HLF: variants seen among roughly 807,000 people sequenced by gnomAD.
HLF encodes the protein hepatic leukemia factor.
A neutral mutation model predicts 22.6 loss-of-function variants in HLF; 3 were observed. That is an observed-to-expected ratio of 0.13 (90% CI 0.06 to 0.34). The LOEUF (loss-of-function observed/expected upper bound fraction) is 0.34. Ranked by LOEUF, HLF falls within the 10% of genes least tolerant of loss-of-function variation. HLF has a pLI of 1.00. For synonymous variants in HLF, 151 were observed against 151.8 expected (o/e 0.99, Z 0.04); for missense variants, 299 against 389.2 (o/e 0.77, Z 1.95).
chr17:55,269,419 T>A (rs914704044), intron 2 of HLF, among the ~76,000 whole-genome samples: 6 of 152,292 alleles, frequency 3.9e-5, no homozygotes, highest in African/African-American at 1.4e-4. Context: ...ATCTTCAATT[T>A]TTTTGTAGGA....
intron 2 of HLF, among the ~76,000 whole-genome samples, chr17:55,285,457 C>T (rs553470068): frequency 1.1e-4 from 16 of 152,324 alleles, no homozygotes; most frequent in African/African-American, 3.8e-4. Flanking sequence ...TTCTCACTTG[C>T]ATTTGCCAGG....
At chr17:55,290,146 C>G (rs2081047145) in intron 2 of HLF, among the ~76,000 whole-genome samples, 1 of 152,170 alleles carries the variant, frequency 6.6e-6, no homozygotes, top group Admixed American at 6.5e-5. Flanking sequence ...GGCCTTGGTA[C>G]AGCCTCAAGA....
chr17:55,295,361 G>T (rs1384324636), intron 2 of HLF, among the ~76,000 whole-genome samples: 2 of 152,206 alleles, frequency 1.3e-5, no homozygotes, highest in Non-Finnish European at 2.9e-5. Context: ...AAATGATCAG[G>T]TCAGAATGTT....
At chr17:55,292,337 T>C (rs992313812) in intron 2 of HLF, among the ~76,000 whole-genome samples, 1 of 152,142 alleles carries the variant, frequency 6.6e-6, no homozygotes, top group African/African-American at 2.4e-5. Context: ...ACCCCAACCT[T>C]CAGCAAACAC....
chr17:55,268,261 C>T (rs1055409776), intron 2 of HLF, among the ~76,000 whole-genome samples, 175 bp downstream of exon 2: 16 of 152,172 alleles, frequency 1.1e-4, no homozygotes, highest in South Asian at 2.1e-4. Flanking sequence ...GCATCCATAT[C>T]ACTCATCTGG....
intron 2 of HLF, among the ~76,000 whole-genome samples, chr17:55,285,498 G>C (rs913782223): frequency 6.6e-6 from 1 of 152,212 alleles, no homozygotes; most frequent in Non-Finnish European, 1.5e-5. Flanking sequence ...ATACAACACA[G>C]TGTGCCAGCA....
intron 2 of HLF, among the ~76,000 whole-genome samples, chr17:55,310,239 G>A (rs555801329): frequency 6.6e-6 from 1 of 152,184 alleles, no homozygotes; most frequent in African/African-American, 2.4e-5. Context: ...CAAAAAAAAC[G>A]AAAAACAATG....
intron 2 of HLF, among the ~76,000 whole-genome samples, chr17:55,286,365 T>C (rs2081004285): frequency 6.6e-6 from 1 of 151,924 alleles, no homozygotes. Context: ...ATCTCACTTT[T>C]CTCAGGGGCC....
intron 2 of HLF, among the ~76,000 whole-genome samples, chr17:55,282,763 T>C (rs1248918452): frequency 6.6e-6 from 1 of 152,208 alleles, no homozygotes; most frequent in African/African-American, 2.4e-5. Context: ...ATTCACATTT[T>C]GGTGAATGTC....
intron 1 of HLF, chr17:55,266,752 C>G: frequency 1.1e-6 from 1 of 887,512 alleles, no homozygotes; most frequent in African/African-American, 1.8e-5. Context: ...AGATGAAACT[C>G]AGAAGCAAAT....
At position 55,277,621 on chromosome 17, in the gene HLF, G is replaced by A. The variant is rs186609128; in HGVS notation, c.451+9535G>A. 3.9e-3 allele frequency among the ~76,000 whole-genome samples: 541 copies of A among 137,666 alleles called. 4 individuals are homozygous for A. The highest frequency in any genetic ancestry group is 0.014 in the African/African-American group (512 of 36,308). The allele number at this position is 137,666 out of a possible 152,430, so 90.3% of individuals were successfully genotyped here. On this transcript the variant is annotated intron_variant, in intron 2 of 3. Transcript: ENST00000226067. ...GAAAGGGACATTGTGGGAGGGGATC[G>A]GATTGGGGGGGGTTGGACTGCTGAA... is the stretch of plus-strand genomic sequence containing the variant.
At chr17:55,302,971 C>T (rs1904368191) in intron 2 of HLF, among the ~76,000 whole-genome samples, 1 of 152,170 alleles carries the variant, frequency 6.6e-6, no homozygotes, top group South Asian at 2.1e-4. Flanking sequence ...ACCTACTTCG[C>T]AGAGTTGTTA....
At chr17:55,313,840 G>A (rs1339669832) in intron 2 of HLF, among the ~76,000 whole-genome samples, 1 of 152,156 alleles carries the variant, frequency 6.6e-6, no homozygotes, top group African/African-American at 2.4e-5. Context: ...CAAAGAGAGC[G>A]CAAAGCAGAG....
chr17:55,265,709 C>A, intron 1 of HLF, 110 bp downstream of exon 1: 1 of 1,090,468 alleles, frequency 9.2e-7, no homozygotes, highest in Non-Finnish European at 1.2e-6. Flanking sequence ...CGCCCTGTCC[C>A]GCGGCGCCCC....
intron 2 of HLF, among the ~76,000 whole-genome samples, chr17:55,281,849 G>A (rs1159826257): frequency 2.6e-5 from 4 of 152,090 alleles, no homozygotes; most frequent in Non-Finnish European, 5.9e-5. Context: ...ATATCTCAGT[G>A]GCCAAAAACC....
At chr17:55,289,156 A>G (rs1445085911) in intron 2 of HLF, among the ~76,000 whole-genome samples, 1 of 152,200 alleles carries the variant, frequency 6.6e-6, no homozygotes, top group African/African-American at 2.4e-5. Context: ...TTTGGTTTAC[A>G]GAATGGCATG....
At chr17:55,286,646 C>T (rs1316108438) in intron 2 of HLF, among the ~76,000 whole-genome samples, 1 of 152,140 alleles carries the variant, frequency 6.6e-6, no homozygotes, top group Non-Finnish European at 1.5e-5. Context: ...ATGAAATAGA[C>T]CCCTCTCATA....
chr17:55,311,706 G>T (rs780933288), intron 2 of HLF, among the ~76,000 whole-genome samples: 7 of 152,144 alleles, frequency 4.6e-5, no homozygotes, highest in Non-Finnish European at 8.8e-5. Flanking sequence ...GTGGGTACAT[G>T]TGCAGGTTTG....
chr17:55,324,790 A>AGTGTGTGTGTGT lies in HLF; in HGVS notation c.*3919_*3930dup, dbSNP rs72476932. On this transcript the variant is annotated 3_prime_UTR_variant, in exon 4 of 4. Transcript: ENST00000226067. ...CATTTTGCAGGAGGCTAAGTGTAAGAGTGTGTGTGTGTGTGTGTGCGTGCA... is the reference window on the plus strand; with the variant it reads ...CATTTTGCAGGAGGCTAAGTGTAAGAGTGTGTGTGTGTGTGTGTGTGTGTGTGTGTGCGTGCA... 1.2e-3 allele frequency: 267 copies of AGTGTGTGTGTGT among 216,418 alleles called. No individual in the cohort carries two copies. In the Middle Eastern group the frequency reaches 0.015, roughly 12 times the overall value. The allele number at this position is 216,418 out of a possible 1,614,324, so 13.4% of individuals were successfully genotyped here.
Sources: gnomAD v4.1 joint callset for allele counts (sites outside exome capture counted in the v4.1 genomes callset) on GRCh38, gnomAD v4.1.1 for gene constraint, MANE v1.5 for transcripts, NCBI Gene and HGNC (gene_info 2026-07-23, HGNC 2026-07-21) for gene names.